The following SYT7 variants were observed in gnomAD, a reference collection of about 807,000 sequenced individuals.
SYT7 encodes synaptotagmin-7.
A neutral mutation model predicts 75.1 loss-of-function variants in SYT7; 29 were observed. That is an observed-to-expected ratio of 0.39 (90% CI 0.29 to 0.53). The LOEUF is 0.53. SYT7 is among the 20% of genes least tolerant of loss of function. The pLI is 0.77. For synonymous variants in SYT7, 376 were observed against 401.7 expected, an observed-to-expected ratio of 0.94 and a Z score of 0.76; for missense variants, 693 against 953.2, an observed-to-expected ratio of 0.73 and a Z score of 3.59.
At chr11:61,567,936 C>G (rs1445253524) in intron 1 of SYT7, among the ~76,000 whole-genome samples, 1 of 152,228 alleles carries the variant, frequency 6.6e-6, no homozygotes, top group Non-Finnish European at 1.5e-5. Flanking sequence ...GCAGCCTCAA[C>G]CCAGCTGGCC....
intron 3 of SYT7, among the ~76,000 whole-genome samples, chr11:61,548,090 C>T (rs1264746751): frequency 6.6e-6 from 1 of 152,240 alleles, no homozygotes; most frequent in African/African-American, 2.4e-5. Context: ...CATCTCTACT[C>T]CTTGCAAATG....
intron 1 of SYT7, among the ~76,000 whole-genome samples, chr11:61,567,905 TG>T (rs2063816514): frequency 1.3e-5 from 2 of 152,228 alleles, no homozygotes; most frequent in African/African-American, 4.8e-5. Context: ...CTGGCCGCTT[TG>T]GGGCTGCCTG....
At chr11:61,571,735 A>G (rs1319787157) in intron 1 of SYT7, among the ~76,000 whole-genome samples, 3 of 152,130 alleles carry the variant, frequency 2.0e-5, no homozygotes, top group East Asian at 1.9e-4. Flanking sequence ...AAAGGCATCA[A>G]CTGGAGGCTC....
intron 1 of SYT7, among the ~76,000 whole-genome samples, chr11:61,559,371 C>T (rs1439929615): frequency 1.3e-5 from 2 of 152,010 alleles, no homozygotes; most frequent in Non-Finnish European, 2.9e-5. Context: ...GCGTGAGGAG[C>T]CGGACTTAGG....
At position 61,515,385 on chromosome 11, in the gene SYT7, T is replaced by C. The variant is rs1023611861; in HGVS notation, c.*3242A>G. The C allele has an allele frequency of 4.6e-5, 7 of 152,106 alleles. No individual in the cohort carries two copies. The highest frequency in any genetic ancestry group is 6.5e-5 in the Admixed American group (1 of 15,282). The allele number at this position is 152,106 out of a possible 1,614,324, so 9.4% of individuals were successfully genotyped here. On this transcript the variant is annotated 3_prime_UTR_variant, in exon 13 of 13. Transcript: ENST00000539008. ...AGCAGGGCCCATTCCCACAAAAATATGATTTTGCAAAGAGGAAATCTTGCT... is the reference window on the plus strand; with the variant it reads ...AGCAGGGCCCATTCCCACAAAAATACGATTTTGCAAAGAGGAAATCTTGCT...
intron 1 of SYT7, among the ~76,000 whole-genome samples, chr11:61,557,818 A>G (rs2063537639): frequency 6.6e-6 from 1 of 152,242 alleles, no homozygotes; most frequent in African/African-American, 2.4e-5. Context: ...GCTGAGGAGC[A>G]CAGCTCTGCA....
At chr11:61,572,237 C>T (rs78222683) in intron 1 of SYT7, among the ~76,000 whole-genome samples, 4,830 of 152,274 alleles carry the variant, frequency 0.032, 253 homozygotes, top group African/African-American at 0.11. Flanking sequence ...GATCCCTCCA[C>T]CTTGCCAGTA....
rs190700863 is a variant in SYT7 at position 61,534,191 on chromosome 11, T to C, written c.1065-1067A>G. Among the ~76,000 whole-genome samples, 636 of 152,248 alleles carry C rather than the reference T, an allele frequency of 4.2e-3. 3 individuals are homozygous for C. Among genetic ancestry groups the C allele is most frequent in the South Asian group, 0.014 (69 of 4,816 alleles). ...CAGGACAGGCTAAAATAGAACAGCT[T>C]TGAGAGCACACAGCCACAAACTGGG... is the stretch of plus-strand genomic sequence containing the variant. On this transcript the variant is annotated intron_variant, in intron 7 of 12. Coordinates refer to ENST00000539008, the MANE Select transcript of SYT7 (RefSeq NM_001365809.2).
chr11:61,521,368 G>A (rs116411716), intron 12 of SYT7, among the ~76,000 whole-genome samples: 2,627 of 152,344 alleles, frequency 0.017, 82 homozygotes, highest in African/African-American at 0.056. Context: ...ACCAAGAGGC[G>A]AAGCTTCAAA....
chr11:61,523,754 C>T lies in SYT7; in HGVS notation c.1756+73G>A. 6.9e-7 allele frequency: 1 copy of T among 1,440,824 alleles called. No homozygotes were observed. The highest frequency in any genetic ancestry group is 9.7e-7 in the Non-Finnish European group (1 of 1,032,714). 89.3% of individuals were successfully genotyped at this position (1,440,824 alleles called of 1,614,324 possible). On this transcript the variant is annotated intron_variant, in intron 11 of 12. Coordinates refer to ENST00000539008, the MANE Select transcript of SYT7 (RefSeq NM_001365809.2). This position sits in a 1 kb window ranked among gnomAD's most constrained non-coding sequence, Gnocchi z 5.0. ...TGAGGACCACTGCAGACCCTGCTCT[C>T]CACATCCGGTGTAAACCTTGTGTCA... is the stretch of plus-strand genomic sequence containing the variant.
intron 1 of SYT7, among the ~76,000 whole-genome samples, chr11:61,566,460 A>C (rs2063771564): frequency 6.6e-6 from 1 of 152,232 alleles, no homozygotes; most frequent in Non-Finnish European, 1.5e-5. Context: ...TCAGGATGGA[A>C]AGGGCCAGGT....
Position 61,561,502 on chromosome 11 carries a change from C to A in SYT7, c.32-5295G>T, listed in dbSNP as rs975556870. 3.9e-5 allele frequency among the ~76,000 whole-genome samples: 6 copies of A among 152,308 alleles called. No individual in the cohort carries two copies. The East Asian group carries it at 9.7e-4, about 25-fold the overall frequency. On this transcript the variant is annotated intron_variant, in intron 1 of 12. Transcript: ENST00000539008. ...CCTATGCTCCTGGCCATGCCACCCC[C>A]CAAGGAGATCTCAGGGTCAGGTCTG...
chr11:61,547,458 G>T, intron 3 of SYT7, 150 bp from the exon 4 acceptor site: 1 of 878,550 alleles, frequency 1.1e-6, no homozygotes. Flanking sequence ...GAGGAAGAAA[G>T]GCAGGCGGGC....
At chr11:61,550,417 G>C (rs1260797811) in intron 3 of SYT7, among the ~76,000 whole-genome samples, 1 of 151,848 alleles carries the variant, frequency 6.6e-6, no homozygotes, top group African/African-American at 2.4e-5. Context: ...AGGCAGGGGA[G>C]ACCAGCAGCG....
rs535241804 is a variant in SYT7, at chr11:61,542,998, G to A, written c.573-419C>T. The stretch of plus-strand genomic sequence containing the variant: ...CTGCTGTGGCCCCTCCCGCTATTTC[G>A]CTGGGGGACACCAGGAAAGTCTGCC... On this transcript the variant is annotated intron_variant, in intron 5 of 12. Coordinates refer to ENST00000539008, the MANE Select transcript of SYT7 (RefSeq NM_001365809.2). This position sits in a 1 kb window ranked among gnomAD's most constrained non-coding sequence, Gnocchi z 7.8. Among the ~76,000 whole-genome samples, 22 of 152,318 alleles carry A rather than the reference G, an allele frequency of 1.4e-4. No homozygotes were observed. Among genetic ancestry groups the A allele is most frequent in the African/African-American group, 4.1e-4 (17 of 41,578 alleles).
rs1259091096 is a variant in SYT7 at position 61,516,252 on chromosome 11, A to AGAGC, written c.*2371_*2374dup. Reference sequence around the variant, plus strand: ...GCTTGCCGCCCCAACATAGCATCCCAGAGCTCCACCTGCACGTGGTGGTGG... The same window carrying AGAGC: ...GCTTGCCGCCCCAACATAGCATCCCAGAGCGAGCTCCACCTGCACGTGGTGGTGG... On this transcript the variant is annotated 3_prime_UTR_variant, in exon 13 of 13. Coordinates refer to ENST00000539008, the MANE Select transcript of SYT7 (RefSeq NM_001365809.2). The surrounding 1 kb of genome is among the most constrained non-coding windows in gnomAD (Gnocchi z 4.6). 2 of 152,192 alleles carry AGAGC rather than the reference A, an allele frequency of 1.3e-5. No individual in the cohort carries two copies. The allele number at this position is 152,192 out of a possible 1,614,324, so 9.4% of individuals were successfully genotyped here. A position where few individuals can be genotyped will look rare whatever the true frequency, so the allele number is the denominator to read the frequency against.
At chr11:61,541,395 G>A (rs1385289254) in intron 6 of SYT7, 2 of 775,124 alleles carry the variant, frequency 2.6e-6, no homozygotes, top group Non-Finnish European at 3.1e-6. Flanking sequence ...CAGATGTCCA[G>A]AGAGATGCTG....
chr11:61,565,685 G>A (rs1177632818), intron 1 of SYT7, among the ~76,000 whole-genome samples: 3 of 152,234 alleles, frequency 2.0e-5, no homozygotes, highest in East Asian at 1.9e-4. Flanking sequence ...CATGCCCTCC[G>A]GACATTCTCT....
intron 1 of SYT7, among the ~76,000 whole-genome samples, chr11:61,560,722 T>C (rs1220438037): frequency 6.6e-6 from 1 of 152,118 alleles, no homozygotes; most frequent in Non-Finnish European, 1.5e-5. Context: ...GAGTGAACCA[T>C]TCCCTGCATA....
Sources: gnomAD v4.1 joint callset for allele counts (sites outside exome capture counted in the v4.1 genomes callset) on GRCh38, gnomAD v4.1.1 for gene constraint, Gnocchi (gnomAD v3.1) non-coding constraint, MANE v1.5 for transcripts, NCBI Gene and HGNC (gene_info 2026-07-23, HGNC 2026-07-21) for gene names.